PCOLCE2: variants seen among roughly 807,000 people sequenced by gnomAD.
PCOLCE2 encodes procollagen C-endopeptidase enhancer 2, also known as procollagen C-proteinase enhancer 2.
In PCOLCE2, 42 loss-of-function variants were observed where a neutral mutation model predicts 47.0. That is an observed-to-expected ratio of 0.89 (90% CI 0.70 to 1.16). The LOEUF (loss-of-function observed/expected upper bound fraction) is 1.16, where lower values mean the gene tolerates loss of function less well. Ranked by LOEUF, PCOLCE2 falls within the 50% of genes most tolerant of loss-of-function variation. The pLI is 0.00. For synonymous variants in PCOLCE2, 169 were observed against 191.7 expected (o/e 0.88, Z 0.98); for missense variants, 500 against 526.1 (o/e 0.95, Z 0.49).
Position 142,887,727 on chromosome 3 carries a change from C to T in PCOLCE2, c.134G>A (p.Gly45Asp). 6.2e-7 allele frequency: 1 copy of T among 1,609,830 alleles called. No homozygotes were observed. The highest frequency in any genetic ancestry group is 1.7e-5 in the Admixed American group (1 of 60,020). The change falls in exon 2 of 9, where the codon GGC (glycine) becomes GAC (aspartate). Residue 45 changes from glycine (G) to aspartate (D), a missense_variant. Gly to Asp is a moderately conservative substitution (Grantham distance 94). Transcript: ENST00000295992. ...GTACACTCCAGGAAAACCTTCACTG[C>T]CAATAAATCCAGACTCTCCAGTAAG... ...GILTGESGFIGSEGFPGVYPP... is the reference protein window; with the variant it reads ...GILTGESGFIDSEGFPGVYPP...
chr3:142,886,995 A>G (rs2108214715), intron 2 of PCOLCE2, among the ~76,000 whole-genome samples: 1 of 152,352 alleles, frequency 6.6e-6, no homozygotes, highest in East Asian at 1.9e-4. Context: ...GTAACAGTCA[A>G]TGCTATGCTG....
At chr3:142,837,054 C>A (rs1207710676) in intron 5 of PCOLCE2, among the ~76,000 whole-genome samples, 1 of 152,120 alleles carries the variant, frequency 6.6e-6, no homozygotes, top group Non-Finnish European at 1.5e-5. Flanking sequence ...ACCACAAGTG[C>A]CCTTATAAGA....
chr3:142,849,346 A>C (rs994420480), intron 2 of PCOLCE2, among the ~76,000 whole-genome samples: 1 of 152,184 alleles, frequency 6.6e-6, no homozygotes, highest in Non-Finnish European at 1.5e-5. Context: ...GTAATTGCTG[A>C]ATCATCTCTT....
At chr3:142,854,540 T>TA (rs1362079844) in intron 2 of PCOLCE2, among the ~76,000 whole-genome samples, 9 of 152,354 alleles carry the variant, frequency 5.9e-5, no homozygotes, top group East Asian at 1.9e-4. Flanking sequence ...TATACATGTT[T>TA]AAAAAATAAA....
intron 2 of PCOLCE2, among the ~76,000 whole-genome samples, chr3:142,869,216 G>T (rs113587651): frequency 6.6e-6 from 1 of 151,958 alleles, no homozygotes; most frequent in Non-Finnish European, 1.5e-5. Flanking sequence ...GTGTGAACCC[G>T]GGAGGTGGAG....
At chr3:142,884,590 T>C (rs1393420891) in intron 2 of PCOLCE2, among the ~76,000 whole-genome samples, 2 of 152,216 alleles carry the variant, frequency 1.3e-5, no homozygotes, top group Admixed American at 6.5e-5. Context: ...GCATACATTT[T>C]TGAGAACACA....
intron 6 of PCOLCE2, among the ~76,000 whole-genome samples, chr3:142,826,023 G>C (rs951593914): frequency 5.7e-5 from 8 of 140,438 alleles, no homozygotes; most frequent in Non-Finnish European, 7.7e-5. Context: ...TTTTCTTTTT[G>C]AGACAGAGTC....
At chr3:142,856,645 A>T (rs2108201607) in intron 2 of PCOLCE2, among the ~76,000 whole-genome samples, 1 of 152,352 alleles carries the variant, frequency 6.6e-6, no homozygotes, top group Middle Eastern at 3.4e-3. Context: ...ATGCAGCAGG[A>T]TGAGGAGACA....
At position 142,849,886 on chromosome 3, in the gene PCOLCE2, C is replaced by T. The variant is rs115552107; in HGVS notation, c.193-1414G>A. 7.4e-3 allele frequency among the ~76,000 whole-genome samples: 1,123 copies of T among 152,248 alleles called. 17 individuals carry two copies. The highest frequency in any genetic ancestry group is 0.025 in the African/African-American group (1,059 of 41,530). The stretch of plus-strand genomic sequence containing the variant: ...CCATGTTGGTAAGTACAGTGCCATA[C>T]GTTTTATTTTCCTATGGTAAGATGA... On this transcript the variant is annotated intron_variant, in intron 2 of 8. Coordinates refer to ENST00000295992, the MANE Select transcript of PCOLCE2 (RefSeq NM_013363.4).
chr3:142,876,362 G>C (rs995663621), intron 2 of PCOLCE2, among the ~76,000 whole-genome samples: 1 of 152,146 alleles, frequency 6.6e-6, no homozygotes, highest in African/African-American at 2.4e-5. Context: ...CTATGAGGTA[G>C]GGAGTATCAT....
chr3:142,846,922 C>G (rs1937334463), intron 3 of PCOLCE2, among the ~76,000 whole-genome samples: 1 of 152,180 alleles, frequency 6.6e-6, no homozygotes, highest in Non-Finnish European at 1.5e-5. Flanking sequence ...CTTTAAAGTA[C>G]TTGTTTGCTA....
intron 3 of PCOLCE2, 156 bp from the exon 4 acceptor site, chr3:142,843,204 TA>T (rs745672385): frequency 2.7e-6 from 2 of 730,412 alleles, no homozygotes; most frequent in South Asian, 1.5e-5. Context: ...TATGGTTACA[TA>T]CATAACCCCC....
intron 5 of PCOLCE2, 135 bp downstream of exon 5, chr3:142,838,635 C>G (rs1937230354): frequency 1.3e-6 from 1 of 747,646 alleles, no homozygotes; most frequent in African/African-American, 1.8e-5. Flanking sequence ...AGTGCGAGAA[C>G]TAATAGAGGA....
chr3:142,847,828 G>A (rs1937343492), intron 3 of PCOLCE2, among the ~76,000 whole-genome samples: 1 of 152,198 alleles, frequency 6.6e-6, no homozygotes, highest in Non-Finnish European at 1.5e-5. Flanking sequence ...GAGCCACCAT[G>A]CCTGGGCTCC....
At chr3:142,848,545 T>C in intron 2 of PCOLCE2, 73 bp from the exon 3 acceptor site, 2 of 1,283,688 alleles carry the variant, frequency 1.6e-6, no homozygotes. Flanking sequence ...AGTCACTTAC[T>C]TAAGTGTGTA....
At chr3:142,879,362 G>T (rs1023545973) in intron 2 of PCOLCE2, among the ~76,000 whole-genome samples, 6 of 151,988 alleles carry the variant, frequency 3.9e-5, no homozygotes, top group Non-Finnish European at 7.4e-5. Context: ...AATACAAGCA[G>T]TACAAATAAG....
intron 6 of PCOLCE2, among the ~76,000 whole-genome samples, chr3:142,828,895 G>A (rs1560130516): frequency 6.6e-6 from 1 of 152,228 alleles, no homozygotes; most frequent in Non-Finnish European, 1.5e-5. Flanking sequence ...CGCACTTGCA[G>A]AGTGCAAGGA....
rs1933773112 is a variant in PCOLCE2 at position 142,888,980 on chromosome 3, C to CGCTCATACTGGCAGCAGCGCTG, written c.-85_-84insCAGCGCTGCTGCCAGTATGAGC. On this transcript the variant is annotated 5_prime_UTR_variant, in exon 1 of 9. In the 5' UTR this introduces an upstream ATG that the reference lacks. Transcript: ENST00000295992. ...TCCGCACCCACCGCGCTCACACCGC[C>CGCTCATACTGGCAGCAGCGCTG]GCTCACACTGGCAGCAGCGCTGGCT... is the stretch of plus-strand genomic sequence containing the variant. The CGCTCATACTGGCAGCAGCGCTG allele has an allele frequency of 9.7e-6, 5 of 514,108 alleles. No homozygotes were observed. The highest frequency in any genetic ancestry group is 1.6e-5 in the Non-Finnish European group (5 of 316,312). The allele number at this position is 514,108 out of a possible 1,614,324, so 31.8% of individuals were successfully genotyped here.
chr3:142,858,788 C>T (rs924195547), intron 2 of PCOLCE2, among the ~76,000 whole-genome samples: 4 of 151,862 alleles, frequency 2.6e-5, no homozygotes, highest in South Asian at 4.2e-4. Flanking sequence ...AGGGTCTTGC[C>T]CTGTCACCCA....
Sources: allele counts gnomAD v4.1 joint callset (sites outside exome capture counted in the v4.1 genomes callset), GRCh38; gene constraint gnomAD v4.1.1; transcripts MANE v1.5; gene names NCBI Gene and HGNC (gene_info 2026-07-23, HGNC 2026-07-21).